The following PTPN14 variants were observed in gnomAD, a reference collection of about 807,000 sequenced individuals.
PTPN14 encodes tyrosine-protein phosphatase non-receptor type 14.
PTPN14 carries 53 observed loss-of-function variants against 126.8 expected under a neutral mutation model. The ratio of observed to expected loss-of-function variants is 0.42; its 90% confidence interval spans 0.34 to 0.53. PTPN14 has a LOEUF of 0.53. Among genes scored for constraint, PTPN14 ranks in the 20% least tolerant of loss-of-function variants. PTPN14 has a pLI of 0.08. For missense variants in PTPN14, 1,257 were observed against 1,552.9 expected (o/e 0.81, Z 3.20); for synonymous variants, 630 against 599.3 (o/e 1.05, Z -0.75).
In PTPN14 at chr1:214,404,923, C is replaced by G. The variant is rs151044171; in HGVS notation, c.511-1970G>C. Among the ~76,000 whole-genome samples the G allele has an allele frequency of 2.2e-4, 33 of 152,284 alleles. 1 individual carries two copies. The highest frequency in any genetic ancestry group is 6.5e-4 in the African/African-American group (27 of 41,548). ...AGTGGAACCAAGGAAAAAGTTTACA[C>G]CCTTCTAAGACTACCCCCGGCCTAC... On this transcript the variant is annotated intron_variant, in intron 5 of 18. Coordinates refer to ENST00000366956, the MANE Select transcript of PTPN14 (RefSeq NM_005401.5).
At chr1:214,547,277 G>A (rs539348688) in intron 1 of PTPN14, among the ~76,000 whole-genome samples, 2 of 152,050 alleles carry the variant, frequency 1.3e-5, no homozygotes, top group South Asian at 2.1e-4. Context: ...CTCTCTCCCC[G>A]ATTCCCCAAA....
chr1:214,461,752 G>A (rs1421836326), intron 2 of PTPN14, among the ~76,000 whole-genome samples: 2 of 152,192 alleles, frequency 1.3e-5, no homozygotes, highest in Non-Finnish European at 1.5e-5. Flanking sequence ...GAGGCTGAAT[G>A]AGCCATGATC....
rs201803310 is a variant in PTPN14, at chr1:214,369,681, C to T, written c.3047G>A (p.Arg1016Gln). Residue 1016 changes from arginine (R) to glutamine (Q), a missense_variant, in exon 17 of 19, where the codon CGA becomes CAA. This residue lies in a region of PTPN14 where 171 missense variants were observed against 229.8 expected (regional missense o/e 0.74). Transcript: ENST00000366956. ...GGGCCAGTATCGGTGGCTTTTGGTT[C>T]GTCCACCCTCCTAAATCACATATAA... Reference protein sequence around the residue: ...AMVTAEEEGGRTKSHRYWPKL... With the variant: ...AMVTAEEEGGQTKSHRYWPKL... The T allele has an allele frequency of 3.1e-6, 5 of 1,614,054 alleles. No individual in the cohort carries two copies. Among genetic ancestry groups the T allele is most frequent in the East Asian group, 2.2e-5 (1 of 44,880 alleles).
intron 18 of PTPN14, among the ~76,000 whole-genome samples, chr1:214,359,365 C>T (rs1294760329): frequency 6.6e-6 from 1 of 151,512 alleles, no homozygotes; most frequent in East Asian, 1.9e-4. Flanking sequence ...AGGCACGCAC[C>T]ACCATGCCTG....
intron 1 of PTPN14, among the ~76,000 whole-genome samples, chr1:214,487,955 T>C (rs1208279510): frequency 6.6e-6 from 1 of 152,200 alleles, no homozygotes; most frequent in Non-Finnish European, 1.5e-5. Context: ...TCCTCCAACA[T>C]TGCAGTCATG....
intron 1 of PTPN14, among the ~76,000 whole-genome samples, chr1:214,493,565 T>G (rs979449344): frequency 6.6e-6 from 1 of 152,012 alleles, no homozygotes; most frequent in Non-Finnish European, 1.5e-5. Flanking sequence ...AAGAAATGAA[T>G]TAGGCAATCA....
chr1:214,495,658 AT>A (rs770545609), intron 1 of PTPN14, among the ~76,000 whole-genome samples: 2 of 57,346 alleles, frequency 3.5e-5, no homozygotes, highest in Admixed American at 1.6e-4. Context: ...GTGCTATTTT[AT>A]TTTTTTTATT....
At chr1:214,360,116 A>AC (rs1472157227) in intron 18 of PTPN14, among the ~76,000 whole-genome samples, 1 of 152,168 alleles carries the variant, frequency 6.6e-6, no homozygotes, top group Non-Finnish European at 1.5e-5. Context: ...AAATGATGGC[A>AC]CCCAGGAAGT....
At chr1:214,373,872 T>TG (rs1483961312) in intron 15 of PTPN14, among the ~76,000 whole-genome samples, 4 of 152,168 alleles carry the variant, frequency 2.6e-5, no homozygotes, top group Admixed American at 6.5e-5. Flanking sequence ...TATCAATAGC[T>TG]TCACCTTGGT....
intron 3 of PTPN14, among the ~76,000 whole-genome samples, chr1:214,431,873 C>G (rs1659804220): frequency 6.6e-6 from 1 of 152,176 alleles, no homozygotes; most frequent in Non-Finnish European, 1.5e-5. Flanking sequence ...TGTCAGGAGT[C>G]ATCATTGTTA....
intron 1 of PTPN14, among the ~76,000 whole-genome samples, chr1:214,512,489 A>G (rs1443680605): frequency 1.3e-5 from 2 of 152,132 alleles, no homozygotes; most frequent in Non-Finnish European, 2.9e-5. Flanking sequence ...TATATGAACT[A>G]TCTAAAGTAG....
intron 1 of PTPN14, chr1:214,532,156 A>C: frequency 3.4e-6 from 1 of 296,378 alleles, no homozygotes; most frequent in Non-Finnish European, 6.6e-6. Flanking sequence ...TCGTTGGCAA[A>C]GCCTGGGTCC....
At chr1:214,371,150 C>T (rs960536564) in intron 16 of PTPN14, among the ~76,000 whole-genome samples, 6 of 152,180 alleles carry the variant, frequency 3.9e-5, no homozygotes, top group African/African-American at 1.4e-4. Flanking sequence ...AAGGCTGGCT[C>T]CTTGTCACTC....
At chr1:214,443,745 G>C (rs1005817562) in intron 3 of PTPN14, among the ~76,000 whole-genome samples, 3 of 152,066 alleles carry the variant, frequency 2.0e-5, no homozygotes, top group Non-Finnish European at 4.4e-5. Context: ...CCAACTACAG[G>C]GCACTTCTGA....
rs564786051 is a variant in PTPN14 at position 214,481,971 on chromosome 1, AGC to A, written c.-154-17016_-154-17015del. 9.3e-4 allele frequency among the ~76,000 whole-genome samples: 140 copies of A among 150,354 alleles called. 1 individual carries two copies. The highest frequency in any genetic ancestry group is 1.5e-3 in the Admixed American group (23 of 14,974). ...CACTGCACTCCAGCCTGGGTGACAG[AGC>A]GAGAGTCTGTCTCCAAAAAAAAAAA... On this transcript the variant is annotated intron_variant, in intron 1 of 18. Transcript: ENST00000366956.
chr1:214,489,232 T>A (rs1661179455), intron 1 of PTPN14, among the ~76,000 whole-genome samples: 1 of 152,198 alleles, frequency 6.6e-6, no homozygotes, highest in Non-Finnish European at 1.5e-5. Context: ...GGTAAGTATA[T>A]TACTTATCCT....
chr1:214,443,111 C>T (rs1016561875), intron 3 of PTPN14, among the ~76,000 whole-genome samples: 51 of 152,310 alleles, frequency 3.3e-4, no homozygotes, highest in African/African-American at 1.2e-3. Flanking sequence ...GCGTGAACCA[C>T]CGCGCCCAGC....
intron 10 of PTPN14, 38 bp downstream of exon 10, chr1:214,393,657 A>G (rs1315067717): frequency 7.2e-7 from 1 of 1,396,306 alleles, no homozygotes; most frequent in Non-Finnish European, 9.8e-7. Flanking sequence ...TTAATCTGAC[A>G]AAGCCATCAA....
chr1:214,464,462 G>T (rs1660581681), intron 2 of PTPN14, among the ~76,000 whole-genome samples, 168 bp downstream of exon 2: 1 of 152,196 alleles, frequency 6.6e-6, no homozygotes. Context: ...TGATGGATAA[G>T]ATCACAGCCG....
Sources: allele counts gnomAD v4.1 joint callset (sites outside exome capture counted in the v4.1 genomes callset), GRCh38; gene constraint gnomAD v4.1.1; regional missense constraint gnomAD v4.1.1; transcripts MANE v1.5; gene names NCBI Gene and HGNC (gene_info 2026-07-23, HGNC 2026-07-21).